The following MYH15 variants were observed in gnomAD, a reference collection of about 807,000 sequenced individuals.
MYH15 encodes the protein myosin-15.
MYH15 carries 227 observed loss-of-function variants against 240.5 expected under a neutral mutation model. The observed-to-expected ratio is 0.94, with a 90% CI of 0.85 to 1.05. The LOEUF is 1.05. MYH15 is among the 50% of genes least tolerant of loss of function. MYH15 has a pLI of 0.00. For synonymous variants in MYH15, 785 were observed against 796.7 expected (o/e 0.99, Z 0.25); for missense variants, 2,217 against 2,247.5 (o/e 0.99, Z 0.27).
Position 108,437,537 on chromosome 3 carries a change from A to G in MYH15, c.3221+17T>C, listed in dbSNP as rs1276858595. On this transcript the variant is annotated intron_variant, in intron 25 of 40. Transcript: ENST00000693548. ...TAAGGTCTCCAGCAATCTCATGTCAACAGAAAGGTGGCTTACTTCCTCAGC... is the reference window on the plus strand; with the variant it reads ...TAAGGTCTCCAGCAATCTCATGTCAGCAGAAAGGTGGCTTACTTCCTCAGC... 1 of 1,608,646 alleles carries G rather than the reference A, an allele frequency of 6.2e-7. No individual in the cohort carries two copies. Among genetic ancestry groups the G allele is most frequent in the East Asian group, 2.2e-5 (1 of 44,812 alleles).
intron 1 of MYH15, among the ~76,000 whole-genome samples, chr3:108,526,244 A>G (rs2083669716): frequency 1.3e-5 from 2 of 152,176 alleles, no homozygotes; most frequent in Non-Finnish European, 2.9e-5. Context: ...TAAAATGACA[A>G]CTTATGCAAA....
At chr3:108,394,445 A>G (rs531475177) in intron 35 of MYH15, among the ~76,000 whole-genome samples, 5 of 152,190 alleles carry the variant, frequency 3.3e-5, no homozygotes, top group Non-Finnish European at 5.9e-5. Context: ...TTGGTTTTCA[A>G]TGGGTTGAGG....
rs2083513330 is a variant in MYH15, at chr3:108,510,509, C to T, written c.22G>A (p.Glu8Lys). 6.2e-7 allele frequency: 1 copy of T among 1,613,476 alleles called. No individual in the cohort carries two copies. Among genetic ancestry groups the T allele is most frequent in the Non-Finnish European group, 8.5e-7 (1 of 1,179,720 alleles). Reference sequence around the variant, plus strand: ...CTTCTTCTGAGGAAGGCTGCGGCTTCTCCAAGGTCTGACAGATCCATCTTT... The same window carrying T: ...CTTCTTCTGAGGAAGGCTGCGGCTTTTCCAAGGTCTGACAGATCCATCTTT... Reference protein sequence around the residue: MDLSDLGEAAAFLRRSEA... With the variant: MDLSDLGKAAAFLRRSEA... Residue 8 changes from glutamate to lysine, a missense_variant, in exon 1 of 41, where the codon GAA becomes AAA. Glu to Lys is a moderately conservative substitution (Grantham distance 56). Coordinates refer to ENST00000693548, the MANE Select transcript of MYH15 (RefSeq NM_014981.3).
At chr3:108,529,519 A>AT, upstream of MYH15, among the ~76,000 whole-genome samples, 1 of 152,276 alleles carries the variant, frequency 6.6e-6, no homozygotes, top group Admixed American at 6.5e-5. Flanking sequence ...AGGAGTTTAG[A>AT]TTTTATTCTA....
At chr3:108,430,413 C>T (rs190337902) in intron 26 of MYH15, among the ~76,000 whole-genome samples, 52 of 152,284 alleles carry the variant, frequency 3.4e-4, no homozygotes, top group African/African-American at 1.1e-3. Context: ...GATTTTCAAT[C>T]GCCTTCTAAT....
chr3:108,476,664 C>A, intron 11 of MYH15, 149 bp from the exon 12 acceptor site: 2 of 525,582 alleles, frequency 3.8e-6, no homozygotes, highest in South Asian at 3.5e-5. Context: ...AAATAAATGC[C>A]TGAATCCTAA....
intron 1 of MYH15, among the ~76,000 whole-genome samples, chr3:108,509,703 G>A (rs1335777474): frequency 1.3e-5 from 2 of 152,178 alleles, no homozygotes; most frequent in Non-Finnish European, 2.9e-5. Context: ...ATCATACTGT[G>A]AATCTGATTT....
intron 35 of MYH15, among the ~76,000 whole-genome samples, chr3:108,395,626 T>C (rs2107538636): frequency 7.4e-6 from 1 of 135,440 alleles, no homozygotes; most frequent in South Asian, 2.4e-4. Context: ...ATTTGTTTTT[T>C]TTTTCTTTCT....
At chr3:108,548,748 A>G in the MYH15 span, among the ~76,000 whole-genome samples, 1 of 152,172 alleles carries the variant, frequency 6.6e-6, no homozygotes, top group South Asian at 2.1e-4. Context: ...TTTAGGAAAT[A>G]TAACTTGATA....
At chr3:108,406,910 G>A (rs1284118903) in intron 32 of MYH15, among the ~76,000 whole-genome samples, 5 of 152,102 alleles carry the variant, frequency 3.3e-5, no homozygotes, top group Non-Finnish European at 7.4e-5. Context: ...TTTTTCATTG[G>A]CTTGTCATAG....
chr3:108,400,906 C>A (rs540937309), intron 33 of MYH15, among the ~76,000 whole-genome samples: 44 of 152,222 alleles, frequency 2.9e-4, no homozygotes, highest in South Asian at 2.1e-4. Flanking sequence ...TTTCGTGACC[C>A]CCATTCTGCC....
At position 108,501,709 on chromosome 3, in the gene MYH15, C is replaced by T. The variant is rs368131843; in HGVS notation, c.339+3G>A. 185 of 1,613,994 alleles carry T rather than the reference C, an allele frequency of 1.1e-4. 2 individuals are homozygous for T. In the East Asian group the frequency reaches 1.9e-3, roughly 17 times the overall value. ...CAGTTTAGCAGGAAAGCATATTACACACATAGATCATCCACTGGCCATAGC... is the reference window on the plus strand; with the variant it reads ...CAGTTTAGCAGGAAAGCATATTACATACATAGATCATCCACTGGCCATAGC... On this transcript the variant is annotated splice_donor_region_variant and intron_variant, in intron 3 of 40. Transcript: ENST00000693548.
At chr3:108,470,324 AC>A in intron 13 of MYH15, 112 bp from the exon 14 acceptor site, 5 of 707,520 alleles carry the variant, frequency 7.1e-6, no homozygotes, top group Non-Finnish European at 1.1e-5. Flanking sequence ...TCAGAAATAG[AC>A]CCAACAAGTA....
chr3:108,544,774 T>C, the MYH15 span, among the ~76,000 whole-genome samples: 5 of 152,180 alleles, frequency 3.3e-5, no homozygotes, highest in African/African-American at 1.2e-4. Context: ...TCATTATCTC[T>C]GTAAACACAA....
intron 2 of MYH15, among the ~76,000 whole-genome samples, chr3:108,504,275 A>C (rs1273901356): frequency 6.6e-6 from 1 of 152,228 alleles, no homozygotes; most frequent in Non-Finnish European, 1.5e-5. Flanking sequence ...ATTTAGGACT[A>C]AGGAAAATTT....
At chr3:108,471,970 G>GAA (rs1193512124) in intron 12 of MYH15, among the ~76,000 whole-genome samples, 2 of 152,146 alleles carry the variant, frequency 1.3e-5, no homozygotes, top group Non-Finnish European at 2.9e-5. Flanking sequence ...ATCTTCATCT[G>GAA]AAAAACACTC....
At chr3:108,536,066 G>A in the MYH15 span, among the ~76,000 whole-genome samples, 32 of 152,230 alleles carry the variant, frequency 2.1e-4, no homozygotes, top group African/African-American at 6.5e-4. Context: ...TCAGAAGTTC[G>A]AGACCAACCT....
Position 108,394,124 on chromosome 3 carries a change from C to G in MYH15, c.5166G>C (p.Leu1722=). Residue 1722 remains leucine (L), a synonymous_variant, in exon 36 of 41, where the codon CTG becomes CTC. Coordinates refer to ENST00000693548, the MANE Select transcript of MYH15 (RefSeq NM_014981.3). Reference sequence around the variant, plus strand: ...TCTGCATCCGGGCAACATCAGCCTCCAGTTTCTTCTTCTGGCTGAGGAGGC... The same window carrying G: ...TCTGCATCCGGGCAACATCAGCCTCGAGTTTCTTCTTCTGGCTGAGGAGGC... ...NTSLLSQKKK[L]EADVARMQKE... is the part of the protein sequence containing the mutation. The G allele has an allele frequency of 6.2e-7, 1 of 1,614,122 alleles. No homozygotes were observed.
At chr3:108,426,655 A>T (rs1200388467) in intron 27 of MYH15, among the ~76,000 whole-genome samples, 1 of 152,232 alleles carries the variant, frequency 6.6e-6, no homozygotes, top group African/African-American at 2.4e-5. Context: ...GAGAATTGCC[A>T]TGGAAGCAGG....
Sources: allele counts gnomAD v4.1 joint callset (sites outside exome capture counted in the v4.1 genomes callset), GRCh38; gene constraint gnomAD v4.1.1; transcripts MANE v1.5; gene names NCBI Gene and HGNC (gene_info 2026-07-23, HGNC 2026-07-21).